The following FBXO34 variants were observed in gnomAD, a reference collection of about 807,000 sequenced individuals.
The protein encoded by FBXO34 is F-box only protein 34.
FBXO34 carries 12 observed loss-of-function variants against 24.5 expected under a neutral mutation model. The ratio of observed to expected loss-of-function variants is 0.49; its 90% CI spans 0.31 to 0.79. The LOEUF is 0.79. Ranked by LOEUF, FBXO34 falls within the 30% of genes least tolerant of loss-of-function variation. FBXO34 has a pLI of 0.04. For synonymous variants in FBXO34, 320 were observed against 311.9 expected, an observed-to-expected ratio of 1.03 and a Z score of -0.27; for missense variants, 823 against 857.7, an observed-to-expected ratio of 0.96 and a Z score of 0.51.
At chr14:55,375,441 G>A in the FBXO34 span, among the ~76,000 whole-genome samples, 1 of 149,046 alleles carries the variant, frequency 6.7e-6, no homozygotes, top group Non-Finnish European at 1.5e-5. Context: ...TCCCACCTCA[G>A]CCTCCACAGC....
At chr14:55,328,085 T>A (rs1278634139) in intron 1 of FBXO34, among the ~76,000 whole-genome samples, 1 of 151,498 alleles carries the variant, frequency 6.6e-6, no homozygotes, top group Non-Finnish European at 1.5e-5. Context: ...CCGAGTAGAG[T>A]AGCTGGGATT....
chr14:55,325,955 G>T (rs568047965), intron 1 of FBXO34: 1 of 152,338 alleles, frequency 6.6e-6, no homozygotes, highest in African/African-American at 2.4e-5. Context: ...CATTCATGGG[G>T]CGCTTATTAC....
At chr14:55,297,709 A>C (rs971680371) in intron 1 of FBXO34, among the ~76,000 whole-genome samples, 3 of 152,224 alleles carry the variant, frequency 2.0e-5, no homozygotes, top group Non-Finnish European at 4.4e-5. Flanking sequence ...GTGTATGTGC[A>C]AATATTTTCA....
chr14:55,290,317 G>A (rs1480065828), intron 1 of FBXO34, among the ~76,000 whole-genome samples: 1 of 151,920 alleles, frequency 6.6e-6, no homozygotes, highest in Non-Finnish European at 1.5e-5. Flanking sequence ...GTTTCAACCC[G>A]GGAGGTGGAG....
At chr14:55,326,354 G>C (rs544170555) in intron 1 of FBXO34, among the ~76,000 whole-genome samples, 1 of 152,296 alleles carries the variant, frequency 6.6e-6, no homozygotes, top group East Asian at 1.9e-4. Flanking sequence ...TGCTTTTTTA[G>C]ACTTCGGCCG....
At chr14:55,435,046 A>G in the FBXO34 span, among the ~76,000 whole-genome samples, 1 of 152,240 alleles carries the variant, frequency 6.6e-6, no homozygotes, top group Non-Finnish European at 1.5e-5. Flanking sequence ...AGGATACAAG[A>G]AAGAATAGAT....
chr14:55,428,005 T>C, the FBXO34 span, among the ~76,000 whole-genome samples: 1 of 141,136 alleles, frequency 7.1e-6, no homozygotes, highest in African/African-American at 2.8e-5. Flanking sequence ...CCTCCCAGGA[T>C]TGCTTTCATA....
chr14:55,423,093 A>G, the FBXO34 span, among the ~76,000 whole-genome samples: 7 of 152,226 alleles, frequency 4.6e-5, no homozygotes, highest in Admixed American at 2.0e-4. Context: ...AGGATAAGTT[A>G]TGTCATGTAC....
chr14:55,348,101 G>C (rs1884217352), intron 1 of FBXO34, among the ~76,000 whole-genome samples: 1 of 152,196 alleles, frequency 6.6e-6, no homozygotes, highest in Non-Finnish European at 1.5e-5. Flanking sequence ...AAATGTCACA[G>C]TGCAGAAAGG....
intron 1 of FBXO34, among the ~76,000 whole-genome samples, chr14:55,273,664 A>G (rs944072771): frequency 6.6e-6 from 1 of 152,216 alleles, no homozygotes; most frequent in African/African-American, 2.4e-5. Context: ...GTGTTAGTCA[A>G]CCTTTAAGAT....
chr14:55,350,913 T>C lies in FBXO34; in HGVS notation c.523T>C (p.Tyr175His). The change falls in exon 2 of 2, where the codon TAC becomes CAC. Residue 175 changes from tyrosine (Y) to histidine (H), a missense_variant. Transcript: ENST00000313833. ...GATGAGGGAGGTTAACAGCAGGTGCTACCAACCTGAGCCTTTTGCATGTGG... is the reference window on the plus strand; with the variant it reads ...GATGAGGGAGGTTAACAGCAGGTGCCACCAACCTGAGCCTTTTGCATGTGG... ...ERMREVNSRCYQPEPFACGIE... is the reference protein window; with the variant it reads ...ERMREVNSRCHQPEPFACGIE... 6.2e-7 allele frequency: 1 copy of C among 1,613,856 alleles called. No homozygotes were observed. Among genetic ancestry groups the C allele is most frequent in the Non-Finnish European group, 8.5e-7 (1 of 1,179,842 alleles).
downstream of FBXO34, among the ~76,000 whole-genome samples, chr14:55,364,366 T>TG (rs1426131627): frequency 6.6e-6 from 1 of 152,206 alleles, no homozygotes; most frequent in African/African-American, 2.4e-5. Flanking sequence ...TTGATGTAAA[T>TG]AACTCTTTAG....
At chr14:55,370,737 T>G (rs1482407202), downstream of FBXO34, among the ~76,000 whole-genome samples, 1 of 151,238 alleles carries the variant, frequency 6.6e-6, no homozygotes, top group Non-Finnish European at 1.5e-5. Flanking sequence ...ACCGCCCAGG[T>G]GCAAGCGATT....
At chr14:55,428,185 A>AG in the FBXO34 span, among the ~76,000 whole-genome samples, 1 of 116,510 alleles carries the variant, frequency 8.6e-6, no homozygotes, top group East Asian at 2.9e-4. Flanking sequence ...GCTGGAGTCC[A>AG]GTGGCGCGAG....
chr14:55,351,511 C>G lies in FBXO34; in HGVS notation c.1121C>G (p.Pro374Arg). The change falls in exon 2 of 2, where the codon CCC (proline) becomes CGC (arginine). Residue 374 changes from proline to arginine, a missense_variant. Physicochemically the swap from Pro to Arg is moderately radical, Grantham distance 103 (BLOSUM62 -2). Transcript: ENST00000313833. ...TGGGACGGTGCTTCTCAGGACTGCC[C>G]CCCATTGCCAGCAGGAGTGAGTTTC... ...QAWDGASQDCPPLPAGVSFHI... is the reference protein window; with the variant it reads ...QAWDGASQDCRPLPAGVSFHI... 1 of 1,614,100 alleles carries G rather than the reference C, an allele frequency of 6.2e-7. No individual in the cohort carries two copies. Among genetic ancestry groups the G allele is most frequent in the Non-Finnish European group, 8.5e-7 (1 of 1,180,022 alleles).
intron 1 of FBXO34, among the ~76,000 whole-genome samples, chr14:55,310,613 A>ATGCC (rs372963111): frequency 2.8e-4 from 43 of 152,222 alleles, no homozygotes; most frequent in African/African-American, 1.0e-3. Flanking sequence ...GGGTTTCTTC[A>ATGCC]TGCCTGCCTG....
rs538593551 is a variant in FBXO34, at chr14:55,343,500, C to T, written c.-10-6881C>T. Reference sequence around the variant, plus strand: ...TCCTGACCTCGTGATCTGCCTGCCTCGGCCTCCCAAAGTGCTGGGATTACT... The same window carrying T: ...TCCTGACCTCGTGATCTGCCTGCCTTGGCCTCCCAAAGTGCTGGGATTACT... On this transcript the variant is annotated intron_variant, in intron 1 of 1. Coordinates refer to ENST00000313833, the MANE Select transcript of FBXO34 (RefSeq NM_017943.4). 5.4e-3 allele frequency among the ~76,000 whole-genome samples: 818 copies of T among 152,210 alleles called. 8 individuals carry two copies. Among genetic ancestry groups the T allele is most frequent in the African/African-American group, 0.019 (778 of 41,492 alleles).
At chr14:55,299,474 A>G (rs1259764431) in intron 1 of FBXO34, among the ~76,000 whole-genome samples, 1 of 135,904 alleles carries the variant, frequency 7.4e-6, no homozygotes, top group African/African-American at 3.2e-5. Flanking sequence ...TTTCTGTAAA[A>G]TAAACTGTGT....
chr14:55,320,631 G>A (rs1194724282), intron 1 of FBXO34, among the ~76,000 whole-genome samples: 4 of 152,214 alleles, frequency 2.6e-5, no homozygotes, highest in South Asian at 2.1e-4. Context: ...GGTAGTGGGC[G>A]CCTGTAGTCC....
Sources: gnomAD v4.1 joint callset for allele counts (sites outside exome capture counted in the v4.1 genomes callset) on GRCh38, gnomAD v4.1.1 for gene constraint, MANE v1.5 for transcripts, NCBI Gene and HGNC (gene_info 2026-07-23, HGNC 2026-07-21) for gene names.